HHAT: variants seen among roughly 807,000 people sequenced by gnomAD.
HHAT encodes protein-cysteine N-palmitoyltransferase HHAT.
A neutral mutation model predicts 70.8 loss-of-function variants in HHAT; 47 were observed. That is an observed-to-expected ratio of 0.66 (90% CI 0.53 to 0.85). HHAT has a LOEUF of 0.85. Among genes scored for constraint, HHAT ranks in the 40% least tolerant of loss-of-function variants. The pLI, the probability that HHAT is intolerant of heterozygous loss-of-function variation, is 0.00. For missense variants in HHAT, 609 were observed against 604.8 expected, an observed-to-expected ratio of 1.01 and a Z score of -0.07; for synonymous variants, 228 against 247.6, an observed-to-expected ratio of 0.92 and a Z score of 0.74.
intron 7 of HHAT, among the ~76,000 whole-genome samples, chr1:210,421,249 A>G (rs955159265): frequency 6.6e-6 from 1 of 151,714 alleles, no homozygotes; most frequent in African/African-American, 2.4e-5. Flanking sequence ...ACAAAGCTGT[A>G]GTAACCAAAA....
At chr1:210,598,092 T>A (rs1164893836) in intron 10 of HHAT, among the ~76,000 whole-genome samples, 1 of 151,922 alleles carries the variant, frequency 6.6e-6, no homozygotes, top group African/African-American at 2.4e-5. Flanking sequence ...GTGGGTTCCC[T>A]TTTGGCCCAG....
chr1:210,532,008 A>G (rs75915746), intron 9 of HHAT, among the ~76,000 whole-genome samples: 3,484 of 152,352 alleles, frequency 0.023, 132 homozygotes, highest in African/African-American at 0.078. Flanking sequence ...TGGACTAGAA[A>G]GAAAGAGCAG....
At chr1:210,417,481 C>A (rs566797992) in intron 6 of HHAT, among the ~76,000 whole-genome samples, 2 of 152,330 alleles carry the variant, frequency 1.3e-5, no homozygotes, top group South Asian at 4.1e-4. Flanking sequence ...GTGATCTGCC[C>A]ACCTGGGCCT....
intron 10 of HHAT, among the ~76,000 whole-genome samples, chr1:210,601,549 A>G (rs978316440): frequency 3.9e-5 from 6 of 152,176 alleles, no homozygotes; most frequent in African/African-American, 7.2e-5. Flanking sequence ...GGCATAGTCA[A>G]CGTGGCTATT....
intron 7 of HHAT, among the ~76,000 whole-genome samples, chr1:210,434,289 TG>T (rs1410329591): frequency 1.3e-5 from 2 of 151,668 alleles, no homozygotes; most frequent in East Asian, 3.9e-4. Flanking sequence ...GGACATAGTT[TG>T]GGGGAAATTT....
chr1:210,503,432 G>T (rs544624466), intron 8 of HHAT, among the ~76,000 whole-genome samples: 14 of 152,176 alleles, frequency 9.2e-5, no homozygotes, highest in Non-Finnish European at 1.8e-4. Flanking sequence ...ATGCCCACAT[G>T]TAACTCCTAT....
chr1:210,374,131 AGTCT>A (rs2089907742), intron 3 of HHAT: 1 of 152,210 alleles, frequency 6.6e-6, no homozygotes, highest in African/African-American at 2.4e-5. Flanking sequence ...TTCCTCTTTA[AGTCT>A]TTTTTTATAA....
At chr1:210,636,849 A>G (rs1466755138) in intron 11 of HHAT, among the ~76,000 whole-genome samples, 1 of 152,176 alleles carries the variant, frequency 6.6e-6, no homozygotes, top group East Asian at 1.9e-4. Context: ...TTCATATTGA[A>G]TTGCTAAGAG....
At chr1:210,370,773 C>A (rs760150555) in intron 3 of HHAT, among the ~76,000 whole-genome samples, 10 of 151,876 alleles carry the variant, frequency 6.6e-5, no homozygotes, top group Non-Finnish European at 7.4e-5. Flanking sequence ...TGCCACCATG[C>A]CCAGCTAAGT....
chr1:210,456,667 C>T lies in HHAT; in HGVS notation c.857-7838C>T, dbSNP rs114783632. Among the ~76,000 whole-genome samples, 1,047 of 152,306 alleles carry T rather than the reference C, an allele frequency of 6.9e-3. 11 individuals carry two copies. Among genetic ancestry groups the T allele is most frequent in the African/African-American group, 0.024 (985 of 41,570 alleles). On this transcript the variant is annotated intron_variant, in intron 7 of 11. Transcript: ENST00000261458. ...GAGCTACTGGTTTCTGACCATTTGTCCTTCAGCAGGCCAATGACACTGTTG... is the reference window on the plus strand; with the variant it reads ...GAGCTACTGGTTTCTGACCATTTGTTCTTCAGCAGGCCAATGACACTGTTG...
At chr1:210,664,895 G>T (rs990072247) in intron 11 of HHAT, among the ~76,000 whole-genome samples, 21 of 152,202 alleles carry the variant, frequency 1.4e-4, no homozygotes, top group African/African-American at 4.6e-4. Flanking sequence ...AGCCTTGAGG[G>T]CACATGCTGA....
At chr1:210,502,164 C>T (rs2094769495) in intron 8 of HHAT, among the ~76,000 whole-genome samples, 1 of 151,802 alleles carries the variant, frequency 6.6e-6, no homozygotes, top group African/African-American at 2.4e-5. Context: ...GTGGGTGGAT[C>T]ACGAGGTCAG....
chr1:210,374,043 C>T (rs567259637), intron 3 of HHAT: 4 of 152,202 alleles, frequency 2.6e-5, no homozygotes, highest in Admixed American at 1.3e-4. Context: ...AGTTAACTGT[C>T]TTTGCAAGTT....
intron 9 of HHAT, among the ~76,000 whole-genome samples, chr1:210,524,552 C>T (rs6685487): frequency 0.42 from 63,990 of 151,984 alleles, 13,858 homozygotes; most frequent in Middle Eastern, 0.47. Context: ...AGGAGTCCCT[C>T]CCTGAGGCTG....
chr1:210,418,411 G>A, intron 7 of HHAT, 86 bp downstream of exon 7: 3 of 1,286,694 alleles, frequency 2.3e-6, no homozygotes, highest in Non-Finnish European at 3.2e-6. Flanking sequence ...GGGGTGAGCA[G>A]GGGTGCAGGT....
intron 9 of HHAT, among the ~76,000 whole-genome samples, chr1:210,560,788 G>A (rs2095614300): frequency 8.0e-6 from 1 of 124,926 alleles, no homozygotes; most frequent in South Asian, 2.9e-4. Flanking sequence ...ACTGCAGCCT[G>A]GGTGACAAAG....
Position 210,674,316 on chromosome 1 carries a change from G to C in HHAT, c.1419G>C (p.Leu473=), listed in dbSNP as rs376245379. The change falls in exon 12 of 12, where the codon CTG becomes CTC. Residue 473 remains leucine (L), a synonymous_variant. Coordinates refer to ENST00000261458, the MANE Select transcript of HHAT (RefSeq NM_018194.6). ...QGWPWVTLSV[L]GFLYCYSHVG... ...GGCCTTGGGTGACCCTCTCTGTCCT[G>C]GGATTCCTGTACTGCTACTCCCACG... 76 of 1,614,150 alleles carry C rather than the reference G, an allele frequency of 4.7e-5. No homozygotes were observed. In the African/African-American group the frequency reaches 8.8e-4, roughly 19 times the overall value.
intron 7 of HHAT, among the ~76,000 whole-genome samples, chr1:210,429,236 T>C (rs2093169919): frequency 6.6e-6 from 1 of 151,800 alleles, no homozygotes; most frequent in Admixed American, 6.6e-5. Context: ...CCTACCTAAC[T>C]ACAATTACAT....
chr1:210,583,714 G>A (rs1334528605), intron 9 of HHAT, among the ~76,000 whole-genome samples: 6 of 152,122 alleles, frequency 3.9e-5, no homozygotes, highest in Non-Finnish European at 8.8e-5. Flanking sequence ...TGAATTTCTG[G>A]AATAAAAGGA....
Sources: allele counts gnomAD v4.1 joint callset (sites outside exome capture counted in the v4.1 genomes callset), GRCh38; gene constraint gnomAD v4.1.1; transcripts MANE v1.5; gene names NCBI Gene and HGNC (gene_info 2026-07-23, HGNC 2026-07-21).